The following MYH4 variants were observed in gnomAD, a reference collection of about 807,000 sequenced individuals.
MYH4 encodes myosin heavy chain 4, also known as myosin-4.
In MYH4, 200 loss-of-function variants were observed where a neutral mutation model predicts 229.9. The observed-to-expected ratio is 0.87, with a 90% CI of 0.78 to 0.98. MYH4 has a LOEUF of 0.98. Ranked by LOEUF, MYH4 falls within the 50% of genes least tolerant of loss-of-function variation. The pLI is 0.00. For missense variants in MYH4, 2,148 were observed against 2,332.6 expected, an observed-to-expected ratio of 0.92 and a Z score of 1.63; for synonymous variants, 761 against 834.6, an observed-to-expected ratio of 0.91 and a Z score of 1.52.
intron 15 of MYH4, 41 bp downstream of exon 15, chr17:10,459,209 AT>A: frequency 6.2e-7 from 1 of 1,613,830 alleles, no homozygotes; most frequent in Non-Finnish European, 8.5e-7. Context: ...GAGGCAAGCA[AT>A]TTGGTTTTCA....
In MYH4 at chr17:10,453,049, T is replaced by G. The variant is rs2072595825; in HGVS notation, c.3111+103A>C. ...GATACAACAAATAGCACAAGAACTT[T>G]ATTCACAGACCAAGCGTTAAAGGCT... On this transcript the variant is annotated intron_variant, in intron 24 of 39. Coordinates refer to ENST00000255381, the MANE Select transcript of MYH4 (RefSeq NM_017533.2). 40 of 1,590,268 alleles carry G rather than the reference T, an allele frequency of 2.5e-5. 2 individuals are homozygous for G. The South Asian group carries it at 4.4e-4, about 17-fold the overall frequency.
chr17:10,447,373 T>G (rs1288926103), intron 34 of MYH4, among the ~76,000 whole-genome samples, 157 bp from the exon 35 acceptor site: 1 of 152,208 alleles, frequency 6.6e-6, no homozygotes, highest in African/African-American at 2.4e-5. Context: ...AGCTGAGGGT[T>G]GCAGTTCTAC....
chr17:10,465,769 TC>T (rs377371040), intron 4 of MYH4, among the ~76,000 whole-genome samples, 171 bp from the exon 5 acceptor site: 17 of 137,588 alleles, frequency 1.2e-4, no homozygotes, highest in African/African-American at 3.7e-4. Context: ...CTTCAGTTTT[TC>T]TTTTTTTTTT....
At chr17:10,449,084 C>T (rs1165515053) in intron 30 of MYH4, 37 bp from the exon 31 acceptor site, 1 of 1,589,072 alleles carries the variant, frequency 6.3e-7, no homozygotes, top group Non-Finnish European at 8.6e-7. Flanking sequence ...CAAGAGCAGA[C>T]TCAGAGTCAC....
In MYH4 at chr17:10,443,411, A is replaced by T; in HGVS notation, c.5784T>A (p.Ser1928Arg). 1.2e-6 allele frequency: 2 copies of T among 1,613,820 alleles called. No individual in the cohort carries two copies. The highest frequency in any genetic ancestry group is 1.7e-6 in the Non-Finnish European group (2 of 1,179,962). The change falls in exon 40 of 40, where the codon AGT (serine) becomes AGA (arginine). Residue 1928 changes from serine to arginine, a missense_variant. Coordinates refer to ENST00000255381, the MANE Select transcript of MYH4 (RefSeq NM_017533.2). This position sits in a 1 kb window ranked among gnomAD's most constrained non-coding sequence, Gnocchi z 4.6. ...TTATGACTTTTGTGTGAACCTCCCG[A>T]CTCTTCACTCTCAGCTTGTTGACTT... The part of the protein sequence containing the change: ...ESQVNKLRVK[S>R]REVHTKVISE...
At chr17:10,464,785 A>G (rs1259070740) in intron 5 of MYH4, 77 bp from the exon 6 acceptor site, 10 of 1,444,042 alleles carry the variant, frequency 6.9e-6, no homozygotes, top group African/African-American at 2.8e-5. Context: ...TATAAACTCA[A>G]AATTGTCTTT....
Position 10,455,194 on chromosome 17 carries a change from T to A in MYH4, c.2276A>T (p.Gln759Leu). ...LLGSIEIDHT[Q>L]YKFGHTKVFF... ...TACCTTGGTATGACCGAATTTGTACTGGGTGTGGTCAATTTCAATAGACCC... is the reference window on the plus strand; with the variant it reads ...TACCTTGGTATGACCGAATTTGTACAGGGTGTGGTCAATTTCAATAGACCC... The change falls in exon 20 of 40, where the codon CAG becomes CTG. Residue 759 changes from glutamine to leucine, a missense_variant. Coordinates refer to ENST00000255381, the MANE Select transcript of MYH4 (RefSeq NM_017533.2). 1 of 1,614,234 alleles carries A rather than the reference T, an allele frequency of 6.2e-7. No homozygotes were observed. Among genetic ancestry groups the A allele is most frequent in the Non-Finnish European group, 8.5e-7 (1 of 1,180,032 alleles).
At chr17:10,448,840 A>C in intron 31 of MYH4, 24 bp downstream of exon 31, 1 of 1,613,174 alleles carries the variant, frequency 6.2e-7, no homozygotes, top group Non-Finnish European at 8.5e-7. Context: ...GTTTCCCCCA[A>C]GGGGAGCTGG....
intron 10 of MYH4, 48 bp downstream of exon 10, chr17:10,463,042 A>G: frequency 6.3e-7 from 1 of 1,590,418 alleles, no homozygotes; most frequent in Non-Finnish European, 8.6e-7. Flanking sequence ...GAGGCTTCTT[A>G]GAAGGGCTGT....
At chr17:10,459,183 T>G (rs780114188) in intron 15 of MYH4, 68 bp downstream of exon 15, 12 of 1,611,348 alleles carry the variant, frequency 7.4e-6, no homozygotes, top group Middle Eastern at 1.6e-4. Context: ...GAACAGGGAG[T>G]GTGATTAAGC....
Position 10,460,218 on chromosome 17 carries a change from G to A in MYH4, c.1251C>T (p.Gly417=). 6.2e-7 allele frequency: 1 copy of A among 1,614,028 alleles called. No individual in the cohort carries two copies. The highest frequency in any genetic ancestry group is 8.5e-7 in the Non-Finnish European group (1 of 1,179,894). ...TCATGTTTACCTGCTGCACAGTCTGGCCTTTGGTTACGAACTCATTGCCGA... is the reference window on the plus strand; with the variant it reads ...TCATGTTTACCTGCTGCACAGTCTGACCTTTGGTTACGAACTCATTGCCGA... ...VKVGNEFVTK[G]QTVQQVYNAV... is the part of the protein sequence containing the mutation. Residue 417 remains glycine (G), a synonymous_variant, in exon 13 of 40, where the codon GGC becomes GGT. Coordinates refer to ENST00000255381, the MANE Select transcript of MYH4 (RefSeq NM_017533.2).
intron 7 of MYH4, 93 bp downstream of exon 7, chr17:10,464,379 G>T (rs1022025771): frequency 3.7e-5 from 39 of 1,059,974 alleles, no homozygotes; most frequent in Non-Finnish European, 5.1e-5. Context: ...TGGTGTATAC[G>T]TACTACATTT....
rs1331059063 is a variant in MYH4 at position 10,453,713 on chromosome 17, T to C, written c.2864A>G (p.Lys955Arg). The C allele has an allele frequency of 1.2e-6, 2 of 1,614,168 alleles. No homozygotes were observed. The highest frequency in any genetic ancestry group is 1.7e-6 in the Non-Finnish European group (2 of 1,180,018). Residue 955 changes from lysine (K) to arginine (R), a missense_variant, in exon 23 of 40, where the codon AAG becomes AGG. Coordinates refer to ENST00000255381, the MANE Select transcript of MYH4 (RefSeq NM_017533.2). ...CAGCTCAAGGTCATCAATGTCTTTC[T>C]TGAGCTCTGAACATTCATCCTCCAG... ...RKLEDECSEL[K>R]KDIDDLELTL...
In MYH4 at chr17:10,444,664, C is replaced by T. The variant is rs778082635; in HGVS notation, c.5607G>A (p.Gln1869=). The part of the protein sequence containing the change: ...EEDRKNILRL[Q]DLVDKLQTKV... ...TGGTTTGCAATTTGTCCACCAAGTC[C>T]TGCAGCCTGAGAATATTCTTGCGGT... is the stretch of plus-strand genomic sequence containing the variant. Residue 1869 remains glutamine, a synonymous_variant, in exon 39 of 40, where the codon CAG becomes CAA. Transcript: ENST00000255381. 53 of 1,613,886 alleles carry T rather than the reference C, an allele frequency of 3.3e-5. No individual in the cohort carries two copies. The highest frequency in any genetic ancestry group is 4.2e-5 in the Non-Finnish European group (49 of 1,180,002).
chr17:10,455,174 T>C lies in MYH4; in HGVS notation c.2296A>G (p.Lys766Glu), dbSNP rs1047340364. 6.2e-7 allele frequency: 1 copy of C among 1,614,188 alleles called. No individual in the cohort carries two copies. The highest frequency in any genetic ancestry group is 8.5e-7 in the Non-Finnish European group (1 of 1,180,016). Residue 766 changes from lysine to glutamate, a missense_variant and splice_region_variant, in exon 20 of 40, where the codon AAG becomes GAG. Transcript: ENST00000255381. The part of the protein sequence containing the change: ...DHTQYKFGHT[K>E]VFFKAGLLGT... ...ATAGAAATTTGGACTGGTGATACCT[T>C]GGTATGACCGAATTTGTACTGGGTG...
rs1462049379 is a variant in MYH4 at position 10,466,344 on chromosome 17, T to C, written c.277A>G (p.Met93Val). 6.2e-7 allele frequency: 1 copy of C among 1,614,204 alleles called. No homozygotes were observed. The highest frequency in any genetic ancestry group is 8.5e-7 in the Non-Finnish European group (1 of 1,180,020). ...GCAGGCTCATGCAGGTGAGTCATCA[T>C]GGCCATGTCCTCGATCTTGTCATAT... Reference protein sequence around the residue: ...PKYDKIEDMAMMTHLHEPAVL... With the variant: ...PKYDKIEDMAVMTHLHEPAVL... The change falls in exon 4 of 40, where the codon ATG (methionine) becomes GTG (valine). Residue 93 changes from methionine to valine, a missense_variant. Physicochemically the swap from Met to Val is conservative, Grantham distance 21 (BLOSUM62 1). Coordinates refer to ENST00000255381, the MANE Select transcript of MYH4 (RefSeq NM_017533.2).
At chr17:10,443,285 A>G, downstream of MYH4, 1 of 1,385,052 alleles carries the variant, frequency 7.2e-7, no homozygotes, top group Admixed American at 2.1e-5. The surrounding 1 kb of genome is among the most constrained non-coding windows in gnomAD (Gnocchi z 4.6). Context: ...AAATTATCTA[A>G]AGATTTTATT....
chr17:10,468,689 G>A (rs1042208893), intron 2 of MYH4, among the ~76,000 whole-genome samples: 2 of 152,156 alleles, frequency 1.3e-5, no homozygotes, highest in Non-Finnish European at 2.9e-5. Flanking sequence ...AATCACAGTT[G>A]GCAAGAGCTG....
chr17:10,451,979 C>A lies in MYH4; in HGVS notation c.3700G>T (p.Asp1234Tyr), dbSNP rs750793248. Residue 1234 changes from aspartate to tyrosine, a missense_variant, in exon 27 of 40, where the codon GAC becomes TAC. Coordinates refer to ENST00000255381, the MANE Select transcript of MYH4 (RefSeq NM_017533.2). ...EKSELKMEIN[D>Y]LASNMETVSK... ...ACAGTCTCCATGTTACTAGCAAGGTCATTGATCTCCATCTTCAGCTCACTC... is the reference window on the plus strand; with the variant it reads ...ACAGTCTCCATGTTACTAGCAAGGTAATTGATCTCCATCTTCAGCTCACTC... The A allele has an allele frequency of 2.5e-6, 4 of 1,613,318 alleles. No homozygotes were observed. The Admixed American group carries it at 6.7e-5, about 27-fold the overall frequency.
Sources: gnomAD v4.1 joint callset for allele counts (sites outside exome capture counted in the v4.1 genomes callset) on GRCh38, gnomAD v4.1.1 for gene constraint, Gnocchi (gnomAD v3.1) non-coding constraint, MANE v1.5 for transcripts, NCBI Gene and HGNC (gene_info 2026-07-23, HGNC 2026-07-21) for gene names.